RPP30: variants seen among roughly 807,000 people sequenced by gnomAD.
RPP30 encodes ribonuclease P protein subunit p30.
Under a neutral mutation model 38.6 loss-of-function variants are expected in RPP30, and 36 were observed. The observed-to-expected ratio is 0.93, with a 90% CI of 0.71 to 1.23. The LOEUF is 1.23. Among genes scored for constraint, RPP30 ranks in the 50% most tolerant of loss-of-function variants. RPP30 has a pLI of 0.00. For synonymous variants in RPP30, 126 were observed against 112.7 expected, an observed-to-expected ratio of 1.12 and a Z score of -0.75; for missense variants, 321 against 321.7, an observed-to-expected ratio of 1.00 and a Z score of 0.02.
At chr10:90,878,993 C>T in intron 4 of RPP30, 70 bp from the exon 5 acceptor site, 2 of 1,259,574 alleles carry the variant, frequency 1.6e-6, no homozygotes, top group Non-Finnish European at 2.3e-6. Flanking sequence ...AAGTGTGAGT[C>T]AATCACTAGA....
intron 4 of RPP30, among the ~76,000 whole-genome samples, chr10:90,876,616 G>A (rs1846855506): frequency 6.6e-6 from 1 of 152,132 alleles, no homozygotes. Flanking sequence ...AGATAGGATG[G>A]ATTATGCATA....
At chr10:90,903,407 G>T, downstream of RPP30, 1 of 592,134 alleles carries the variant, frequency 1.7e-6, no homozygotes, top group African/African-American at 1.9e-5. Context: ...ACCAGATACA[G>T]TAAGATTTTC....
At chr10:90,878,641 A>G (rs1846883407) in intron 4 of RPP30, among the ~76,000 whole-genome samples, 1 of 151,980 alleles carries the variant, frequency 6.6e-6, no homozygotes, top group African/African-American at 2.4e-5. Flanking sequence ...ATATGTGTGT[A>G]CCACCACACC....
intron 4 of RPP30, among the ~76,000 whole-genome samples, chr10:90,877,705 A>T (rs1016870544): frequency 5.3e-5 from 8 of 151,946 alleles, no homozygotes; most frequent in African/African-American, 1.2e-4. Context: ...TATAATAGGG[A>T]TGTGGAAAAA....
chr10:90,873,877 C>T (rs1408287636), intron 1 of RPP30, among the ~76,000 whole-genome samples: 1 of 152,068 alleles, frequency 6.6e-6, no homozygotes, highest in Non-Finnish European at 1.5e-5. Context: ...CACCAGGTTT[C>T]ACTGTGCTAT....
At chr10:90,889,306 T>G (rs954887030) in intron 6 of RPP30, among the ~76,000 whole-genome samples, 1 of 134,030 alleles carries the variant, frequency 7.5e-6, no homozygotes, top group African/African-American at 3.0e-5. Context: ...AAGGATTACT[T>G]TTTTTTTTTT....
intron 5 of RPP30, among the ~76,000 whole-genome samples, chr10:90,882,323 A>T (rs1015449743): frequency 1.3e-5 from 2 of 152,230 alleles, no homozygotes; most frequent in African/African-American, 4.8e-5. Context: ...ATCTCTCATT[A>T]TACCAGTGTG....
chr10:90,895,730 A>C (rs1037716677), intron 8 of RPP30, 150 bp from the exon 9 acceptor site: 1 of 581,762 alleles, frequency 1.7e-6, no homozygotes, highest in Admixed American at 3.8e-5. Flanking sequence ...TTATATTTTC[A>C]AAAGCTATGA....
downstream of RPP30, among the ~76,000 whole-genome samples, chr10:90,904,437 C>G (rs1315613936): frequency 3.3e-5 from 5 of 152,312 alleles, no homozygotes; most frequent in South Asian, 4.1e-4. Flanking sequence ...CATCTGTTCT[C>G]CCTACCTGTC....
downstream of RPP30, chr10:90,903,116 C>A: frequency 1.3e-6 from 1 of 784,786 alleles, no homozygotes; most frequent in African/African-American, 1.7e-5. Context: ...AGAAGGATAA[C>A]AAATTTGGGG....
At chr10:90,907,489 C>A (rs559705205), downstream of RPP30, among the ~76,000 whole-genome samples, 31 of 152,312 alleles carry the variant, frequency 2.0e-4, no homozygotes, top group Non-Finnish European at 3.7e-4. Context: ...GACCAGATAA[C>A]TGGAAGACCT....
At chr10:90,904,629 A>G (rs546139841), downstream of RPP30, among the ~76,000 whole-genome samples, 5 of 152,294 alleles carry the variant, frequency 3.3e-5, no homozygotes, top group African/African-American at 1.2e-4. Context: ...CCTGGCCAAC[A>G]TGGCAAAACC....
intron 10 of RPP30, among the ~76,000 whole-genome samples, chr10:90,899,201 G>A (rs879897300): frequency 7.9e-5 from 12 of 152,060 alleles, no homozygotes; most frequent in African/African-American, 1.7e-4. Context: ...TAAGTGTGAC[G>A]TTTTTCATTT....
intron 6 of RPP30, among the ~76,000 whole-genome samples, chr10:90,890,120 C>A (rs949971234): frequency 6.6e-6 from 1 of 152,150 alleles, no homozygotes; most frequent in Non-Finnish European, 1.5e-5. Flanking sequence ...ATGACTCTCT[C>A]AAGGGGTTGA....
chr10:90,890,679 GA>G (rs919566866), intron 6 of RPP30, among the ~76,000 whole-genome samples: 19 of 147,224 alleles, frequency 1.3e-4, no homozygotes, highest in South Asian at 2.2e-4. Context: ...AATTTCTGTG[GA>G]AAAAAAAAAT....
Position 90,885,857 on chromosome 10 carries a change from A to G in RPP30, c.388A>G (p.Thr130Ala), listed in dbSNP as rs1230759778. ...TGTGGATTTAGTCTGCATAACTGTA[A>G]CAGAGAAACTACCATTTTACTTCAA... ...LDVDLVCITV[T>A]EKLPFYFKRP... The change falls in exon 6 of 11, where the codon ACA becomes GCA. Residue 130 changes from threonine to alanine, a missense_variant. Transcript: ENST00000371703. 1.9e-6 allele frequency: 3 copies of G among 1,611,478 alleles called. No individual in the cohort carries two copies. The highest frequency in any genetic ancestry group is 1.3e-5 in the African/African-American group (1 of 74,952).
At chr10:90,885,764 T>C (rs1351194671) in intron 5 of RPP30, 48 bp from the exon 6 acceptor site, 2 of 1,212,434 alleles carry the variant, frequency 1.6e-6, no homozygotes, top group South Asian at 2.4e-5. Context: ...CCATTCTTAC[T>C]TGTGCCAATT....
chr10:90,885,691 A>T (rs1276207559), intron 5 of RPP30, 121 bp from the exon 6 acceptor site: 5 of 670,632 alleles, frequency 7.5e-6, no homozygotes, highest in Non-Finnish European at 1.3e-5. Flanking sequence ...ATGTATTTCA[A>T]CACAGAACCA....
intron 10 of RPP30, among the ~76,000 whole-genome samples, chr10:90,897,578 T>C (rs1847154986): frequency 6.6e-6 from 1 of 152,244 alleles, no homozygotes; most frequent in Non-Finnish European, 1.5e-5. Flanking sequence ...GTTCACACTT[T>C]GATAGTTCTG....
Sources: allele counts gnomAD v4.1 joint callset (sites outside exome capture counted in the v4.1 genomes callset), GRCh38; gene constraint gnomAD v4.1.1; transcripts MANE v1.5; gene names NCBI Gene and HGNC (gene_info 2026-07-23, HGNC 2026-07-21).